Variants in GABBR1 observed in about 807,000 individuals in gnomAD.
The protein encoded by GABBR1 is GABA-B receptor, R1 subunit.
GABBR1 carries 35 observed loss-of-function variants against 117.7 expected under a neutral mutation model. The ratio of observed to expected loss-of-function variants is 0.30; its 90% CI spans 0.23 to 0.39. The LOEUF (loss-of-function observed/expected upper bound fraction) is 0.39. GABBR1 is among the 10% of genes least tolerant of loss of function. The pLI, the probability that GABBR1 is intolerant of heterozygous loss-of-function variation, is 1.00. For synonymous variants in GABBR1, 442 were observed against 486.6 expected (o/e 0.91, Z 1.21); for missense variants, 709 against 1,241.8 (o/e 0.57, Z 6.45).
At chr6:29,603,865 TA>T in intron 22 of GABBR1, 149 bp from the exon 23 acceptor site, 1 of 476,770 alleles carries the variant, frequency 2.1e-6, no homozygotes, top group South Asian at 7.4e-5. Flanking sequence ...CAGAATAAAT[TA>T]AAAGGAGAAA....
rs752263629 is a variant in GABBR1 at position 29,606,864 on chromosome 6, C to G, written c.2217+33G>C. On this transcript the variant is annotated intron_variant, in intron 18 of 22. Transcript: ENST00000377034. This position sits in a 1 kb window ranked among gnomAD's most constrained non-coding sequence, Gnocchi z 4.5. ...TGATGGCCACTGAGCCCTGCTCATTCTCCTGACCATAGCACCTCCTCTCCA... is the reference window on the plus strand; with the variant it reads ...TGATGGCCACTGAGCCCTGCTCATTGTCCTGACCATAGCACCTCCTCTCCA... 2 of 1,581,938 alleles carry G rather than the reference C, an allele frequency of 1.3e-6. No homozygotes were observed. Among genetic ancestry groups the G allele is most frequent in the Non-Finnish European group, 8.7e-7 (1 of 1,151,182 alleles).
At position 29,606,719 on chromosome 6, in the gene GABBR1, A is replaced by G; in HGVS notation, c.2217+178T>C. The G allele has an allele frequency of 1.6e-6, 1 of 640,782 alleles. No homozygotes were observed. The highest frequency in any genetic ancestry group is 2.7e-6 in the Non-Finnish European group (1 of 369,236). The allele number at this position is 640,782 out of a possible 1,614,324, so 39.7% of individuals were successfully genotyped here. A position where few individuals can be genotyped will look rare whatever the true frequency, so the allele number is the denominator to read the frequency against. ...CAGATTCCCACCCCTTCCTTTCTTC[A>G]GCTGAATCTGGAGGCCTATGAGGGG... On this transcript the variant is annotated intron_variant, in intron 18 of 22. Transcript: ENST00000377034. This position sits in a 1 kb window ranked among gnomAD's most constrained non-coding sequence, Gnocchi z 4.5.
chr6:29,629,369 T>G, intron 4 of GABBR1: 1 of 640,204 alleles, frequency 1.6e-6, no homozygotes, highest in Non-Finnish European at 2.8e-6. Context: ...GGGGCAGATC[T>G]TGGTTCTGTG....
rs758631833 is a variant in GABBR1, at chr6:29,613,223, T to G, written c.1566+20A>C. The stretch of plus-strand genomic sequence containing the variant: ...TCAAGATTGGGAAGACAGGGGAGTA[T>G]GAAGGAAGTTTTAACTCACAGAGAC... On this transcript the variant is annotated intron_variant, in intron 12 of 22. Coordinates refer to ENST00000377034, the MANE Select transcript of GABBR1 (RefSeq NM_001470.4). This position sits in a 1 kb window ranked among gnomAD's most constrained non-coding sequence, Gnocchi z 4.1. The G allele has an allele frequency of 2.5e-6, 4 of 1,610,080 alleles. No individual in the cohort carries two copies. Among genetic ancestry groups the G allele is most frequent in the Non-Finnish European group, 3.4e-6 (4 of 1,177,590 alleles).
Position 29,606,550 on chromosome 6 carries a change from C to T in GABBR1, c.2218-66G>A. ...CTCCCCTCCTCTCCTCAACGCTTCTCAGTCTCTGGCTTCCAACTGTTTTCC... is the reference window on the plus strand; with the variant it reads ...CTCCCCTCCTCTCCTCAACGCTTCTTAGTCTCTGGCTTCCAACTGTTTTCC... On this transcript the variant is annotated intron_variant, in intron 18 of 22. Transcript: ENST00000377034. The surrounding 1 kb of genome is among the most constrained non-coding windows in gnomAD (Gnocchi z 4.5). 3.7e-6 allele frequency: 4 copies of T among 1,074,482 alleles called. No homozygotes were observed. The South Asian group carries it at 3.7e-5, about 10-fold the overall frequency. The allele number at this position is 1,074,482 out of a possible 1,614,324, so 66.6% of individuals were successfully genotyped here. A position where few individuals can be genotyped will look rare whatever the true frequency, so the allele number is the denominator to read the frequency against.
At position 29,631,739 on chromosome 6, in the gene GABBR1, G is replaced by GA; in HGVS notation, c.86-141_86-140insT. The GA allele has an allele frequency of 1.4e-6, 1 of 692,112 alleles. No individual in the cohort carries two copies. The highest frequency in any genetic ancestry group is 2.5e-6 in the Non-Finnish European group (1 of 396,246). 42.9% of individuals were successfully genotyped at this position (692,112 alleles called of 1,614,324 possible). A position where few individuals can be genotyped will look rare whatever the true frequency, so the allele number is the denominator to read the frequency against. ...AGAGGAAGAGGGATGGGGCACTAGAGGGTGGGAGTGGGGACAGGTACAGAT... is the reference window on the plus strand; with the variant it reads ...AGAGGAAGAGGGATGGGGCACTAGAGAGGTGGGAGTGGGGACAGGTACAGAT... On this transcript the variant is annotated intron_variant, in intron 2 of 22. Coordinates refer to ENST00000377034, the MANE Select transcript of GABBR1 (RefSeq NM_001470.4). This position sits in a 1 kb window ranked among gnomAD's most constrained non-coding sequence, Gnocchi z 5.9.
rs1342603852 is a variant in GABBR1, at chr6:29,604,025, G to C, written c.2713-309C>G. On this transcript the variant is annotated intron_variant, in intron 22 of 22. Coordinates refer to ENST00000377034, the MANE Select transcript of GABBR1 (RefSeq NM_001470.4). This position sits in a 1 kb window ranked among gnomAD's most constrained non-coding sequence, Gnocchi z 5.3. ...AGAGCTTCCAATAAATCAGAGAGAT[G>C]TGTCAACCCAGTTGGAACATCCCTC... Among the ~76,000 whole-genome samples the C allele has an allele frequency of 6.6e-6, 1 of 152,140 alleles. No individual in the cohort carries two copies. Among genetic ancestry groups the C allele is most frequent in the African/African-American group, 2.4e-5 (1 of 41,428 alleles).
intron 6 of GABBR1, among the ~76,000 whole-genome samples, chr6:29,626,284 T>C (rs908705243): frequency 6.6e-6 from 1 of 152,180 alleles, no homozygotes; most frequent in African/African-American, 2.4e-5. Flanking sequence ...TCTAGGTGTA[T>C]AGTGATGTTC....
Position 29,632,815 on chromosome 6 carries a change from T to G in GABBR1, c.-1+35A>C. 1.8e-6 allele frequency: 1 copy of G among 570,856 alleles called. No individual in the cohort carries two copies. Among genetic ancestry groups the G allele is most frequent in the Middle Eastern group, 7.5e-4 (1 of 1,338 alleles). 35.4% of individuals were successfully genotyped at this position (570,856 alleles called of 1,614,324 possible). On this transcript the variant is annotated intron_variant, in intron 1 of 22. Transcript: ENST00000377034. This position sits in a 1 kb window ranked among gnomAD's most constrained non-coding sequence, Gnocchi z 5.8. Reference sequence around the variant, plus strand: ...CCCCCACCACGCCGCGCGCCCCCTCTCCGAGCCCTGCTAACCCGGGGCCCT... The same window carrying G: ...CCCCCACCACGCCGCGCGCCCCCTCGCCGAGCCCTGCTAACCCGGGGCCCT...
intron 11 of GABBR1, among the ~76,000 whole-genome samples, chr6:29,615,608 T>TAAAA (rs767969781): frequency 0.04 from 5,043 of 126,632 alleles, 175 homozygotes; most frequent in East Asian, 0.12. Context: ...GACTCTGCCT[T>TAAAA]TAAAAAAAAA....
intron 14 of GABBR1, among the ~76,000 whole-genome samples, chr6:29,610,512 C>T (rs1033787711): frequency 3.3e-5 from 5 of 151,872 alleles, no homozygotes; most frequent in Non-Finnish European, 7.4e-5. Flanking sequence ...GAGGTTTTCC[C>T]TCCTCCTCCA....
chr6:29,624,401 A>G (rs1158192135), intron 6 of GABBR1: 1 of 170,082 alleles, frequency 5.9e-6, no homozygotes, highest in Non-Finnish European at 1.3e-5. Flanking sequence ...AGTCAGTAGG[A>G]ATACGGTAAA....
rs762299868 is a variant in GABBR1, at chr6:29,604,816, G to T, written c.2568+44C>A. ...AGTAATATAGGAAGGAGGGATGGAG[G>T]GAACATGGGAACAAAGAGGGTGGGA... On this transcript the variant is annotated intron_variant, in intron 21 of 22. Coordinates refer to ENST00000377034, the MANE Select transcript of GABBR1 (RefSeq NM_001470.4). The surrounding 1 kb of genome is among the most constrained non-coding windows in gnomAD (Gnocchi z 5.3). The T allele has an allele frequency of 2.3e-5, 37 of 1,599,632 alleles. No individual in the cohort carries two copies. Among genetic ancestry groups the T allele is most frequent in the Non-Finnish European group, 3.2e-5 (37 of 1,173,274 alleles).
At chr6:29,608,532 C>A in intron 16 of GABBR1, 69 bp downstream of exon 16, 1 of 1,515,212 alleles carries the variant, frequency 6.6e-7, no homozygotes, top group Non-Finnish European at 9.0e-7. Flanking sequence ...AATCATAAAT[C>A]ATGGAAGGTG....
chr6:29,631,614 G>T lies in GABBR1; in HGVS notation c.86-15C>A. Reference sequence around the variant, plus strand: ...GATCTGGCAACCTAAGGGGTGAGTCGGGGAGGCATACAGAGAGGAATGGTG... The same window carrying T: ...GATCTGGCAACCTAAGGGGTGAGTCTGGGAGGCATACAGAGAGGAATGGTG... On this transcript the variant is annotated splice_polypyrimidine_tract_variant and intron_variant, in intron 2 of 22. Coordinates refer to ENST00000377034, the MANE Select transcript of GABBR1 (RefSeq NM_001470.4). This position sits in a 1 kb window ranked among gnomAD's most constrained non-coding sequence, Gnocchi z 5.9. 2 of 1,611,840 alleles carry T rather than the reference G, an allele frequency of 1.2e-6. No individual in the cohort carries two copies. The highest frequency in any genetic ancestry group is 1.7e-6 in the Non-Finnish European group (2 of 1,177,996).
Position 29,613,266 on chromosome 6 carries a change from A to T in GABBR1, c.1543T>A (p.Ser515Thr), listed in dbSNP as rs1451251491. 8 of 1,612,968 alleles carry T rather than the reference A, an allele frequency of 5.0e-6. No homozygotes were observed. Among genetic ancestry groups the T allele is most frequent in the Non-Finnish European group, 6.8e-6 (8 of 1,179,920 alleles). Reference sequence around the variant, plus strand: ...ACAGAGACACCCTCAAAGGACGAAGAGTTCATTGCCCGGTAGATTTGGTCG... The same window carrying T: ...ACAGAGACACCCTCAAAGGACGAAGTGTTCATTGCCCGGTAGATTTGGTCG... Reference protein sequence around the residue: ...ITDQIYRAMNSSSFEGVSGHV... With the variant: ...ITDQIYRAMNTSSFEGVSGHV... Residue 515 changes from serine to threonine, a missense_variant, in exon 12 of 23, where the codon TCT becomes ACT. Transcript: ENST00000377034. The surrounding 1 kb of genome is among the most constrained non-coding windows in gnomAD (Gnocchi z 4.1).
intron 14 of GABBR1, among the ~76,000 whole-genome samples, chr6:29,610,465 A>C (rs1762426986): frequency 6.6e-6 from 1 of 152,150 alleles, no homozygotes; most frequent in African/African-American, 2.4e-5. Flanking sequence ...AATACATATA[A>C]AAATAAAAAG....
chr6:29,621,028 C>T lies in GABBR1; in HGVS notation c.1323+73G>A. The T allele has an allele frequency of 1.1e-5, 15 of 1,374,990 alleles. No individual in the cohort carries two copies. Among genetic ancestry groups the T allele is most frequent in the Non-Finnish European group, 1.4e-5 (14 of 997,678 alleles). 85.2% of individuals were successfully genotyped at this position (1,374,990 alleles called of 1,614,324 possible). A position where few individuals can be genotyped will look rare whatever the true frequency, so the allele number is the denominator to read the frequency against. ...AAATTCCGCACCCTCTCCCTGCCAC[C>T]CTTTCCCCTGCAAGGCCCCCTCAGT... On this transcript the variant is annotated intron_variant, in intron 11 of 22. Coordinates refer to ENST00000377034, the MANE Select transcript of GABBR1 (RefSeq NM_001470.4). This position sits in a 1 kb window ranked among gnomAD's most constrained non-coding sequence, Gnocchi z 5.0.
rs895712981 is a variant in GABBR1 at position 29,605,908 on chromosome 6, A to G, written c.2312-212T>C. The G allele has an allele frequency of 1.7e-6, 1 of 597,542 alleles. No individual in the cohort carries two copies. Among genetic ancestry groups the G allele is most frequent in the African/African-American group, 1.9e-5 (1 of 53,878 alleles). 37.0% of individuals were successfully genotyped at this position (597,542 alleles called of 1,614,324 possible). On this transcript the variant is annotated intron_variant, in intron 19 of 22. Transcript: ENST00000377034. The surrounding 1 kb of genome is among the most constrained non-coding windows in gnomAD (Gnocchi z 4.2). ...ACCACATCACTTTTTCCTGGGATTC[A>G]CACAGGAAAGCAATGGTGGCAAGCT... is the stretch of plus-strand genomic sequence containing the variant.
Sources: gnomAD v4.1 joint callset for allele counts (sites outside exome capture counted in the v4.1 genomes callset) on GRCh38, gnomAD v4.1.1 for gene constraint, Gnocchi (gnomAD v3.1) non-coding constraint, MANE v1.5 for transcripts, NCBI Gene and HGNC (gene_info 2026-07-23, HGNC 2026-07-21) for gene names.